EPN1: variants seen among roughly 807,000 people sequenced by gnomAD.
EPN1 encodes epsin-1.
Under a neutral mutation model 56.9 loss-of-function variants are expected in EPN1, and 25 were observed. The ratio of observed to expected loss-of-function variants is 0.44; its 90% CI spans 0.32 to 0.61. The LOEUF (loss-of-function observed/expected upper bound fraction) is 0.61, where lower values mean the gene tolerates loss of function less well. Among genes scored for constraint, EPN1 ranks in the 20% least tolerant of loss-of-function variants. The probability of loss-of-function intolerance (pLI) is 0.05; values close to 1 mark genes in which losing one functional copy is unlikely to be tolerated. For missense variants in EPN1, 785 were observed against 823.7 expected (o/e 0.95, Z 0.58); for synonymous variants, 411 against 361.8 (o/e 1.14, Z -1.54).
chr19:55,690,023 C>G (rs141887410), intron 6 of EPN1, 73 bp downstream of exon 6: 1 of 1,386,372 alleles, frequency 7.2e-7, no homozygotes, highest in African/African-American at 1.4e-5. Context: ...TCCTGCGTGG[C>G]CAGGTCCCTG....
rs375320831 is a variant in EPN1, at chr19:55,692,945, C to G, written c.1178-6C>G. ...AGGGGCTGAGCAGAACATCCTGACC[C>G]CACAGCAGCCGGGGGATTCGACACG... On this transcript the variant is annotated splice_region_variant and splice_polypyrimidine_tract_variant and intron_variant, in intron 8 of 10. Transcript: ENST00000270460. 3.1e-5 allele frequency: 50 copies of G among 1,613,390 alleles called. No individual in the cohort carries two copies. In the African/African-American group the frequency reaches 6.4e-4, roughly 21 times the overall value.
At position 55,703,826 on chromosome 19, in the gene EPN1, G is replaced by A. The variant is rs1987262128; in HGVS notation, c.*8470G>A. ...TAAGTTTAAGCACCTGCGTGTGAGC[G>A]GCTACCGCGTGGGCTGGGATTGGAG... On this transcript the variant is annotated 3_prime_UTR_variant, in exon 11 of 11. Coordinates refer to ENST00000270460, the MANE Select transcript of EPN1 (RefSeq NM_001130072.2). 6.6e-6 allele frequency: 1 copy of A among 152,314 alleles called. No homozygotes were observed. The highest frequency in any genetic ancestry group is 2.4e-5 in the African/African-American group (1 of 41,560). The allele number at this position is 152,314 out of a possible 1,614,324, so 9.4% of individuals were successfully genotyped here. A position where few individuals can be genotyped will look rare whatever the true frequency, so the allele number is the denominator to read the frequency against.
chr19:55,679,470 C>A (rs929280064), intron 2 of EPN1, among the ~76,000 whole-genome samples: 2 of 152,334 alleles, frequency 1.3e-5, no homozygotes, highest in South Asian at 4.1e-4. Context: ...GGAGCCGATT[C>A]ACGTCTGACT....
At chr19:55,679,750 C>T (rs1332920888) in intron 2 of EPN1, among the ~76,000 whole-genome samples, 1 of 152,170 alleles carries the variant, frequency 6.6e-6, no homozygotes, top group Non-Finnish European at 1.5e-5. Flanking sequence ...GGTTGAGGCT[C>T]GTTTCCTGTG....
intron 3 of EPN1, among the ~76,000 whole-genome samples, chr19:55,688,053 A>C (rs1341523388): frequency 6.6e-6 from 1 of 151,938 alleles, no homozygotes; most frequent in Non-Finnish European, 1.5e-5. Flanking sequence ...ACCAGTGCAC[A>C]GTGGTTGGGA....
rs1474603419 is a variant in EPN1, at chr19:55,685,538, G to A, written c.371G>A (p.Arg124His). 2.5e-6 allele frequency: 4 copies of A among 1,612,430 alleles called. No homozygotes were observed. The highest frequency in any genetic ancestry group is 3.4e-6 in the Non-Finnish European group (4 of 1,179,274). The change falls in exon 3 of 11, where the codon CGT (arginine) becomes CAT (histidine). Residue 124 changes from arginine (R) to histidine (H), a missense_variant. This residue lies in a region of EPN1 where 135 missense variants were observed against 218.7 expected (regional missense o/e 0.62). Transcript: ENST00000270460. ...GGCAAGGACCAGGGCGTGAACGTGC[G>A]TGAGAAAGCTAAGCAGCTGGTGGCC... ...RDGKDQGVNV[R>H]EKAKQLVALL...
chr19:55,708,973 A>G lies in EPN1; in HGVS notation c.*13617A>G. Reference sequence around the variant, plus strand: ...AATCCAAGGTCCATGTGAAATGGTCAGATGGGGAATTTTTTCTTCCACAGA... The same window carrying G: ...AATCCAAGGTCCATGTGAAATGGTCGGATGGGGAATTTTTTCTTCCACAGA... On this transcript the variant is annotated 3_prime_UTR_variant, in exon 11 of 11. Coordinates refer to ENST00000270460, the MANE Select transcript of EPN1 (RefSeq NM_001130072.2). 6.3e-7 allele frequency: 1 copy of G among 1,593,660 alleles called. No individual in the cohort carries two copies.
rs1297084072 is a variant in EPN1 at position 55,706,771 on chromosome 19, G to C, written c.*11415G>C. The C allele has an allele frequency of 6.6e-6, 1 of 152,092 alleles. No homozygotes were observed. Among genetic ancestry groups the C allele is most frequent in the African/African-American group, 2.4e-5 (1 of 41,368 alleles). 9.4% of individuals were successfully genotyped at this position (152,092 alleles called of 1,614,324 possible). On this transcript the variant is annotated 3_prime_UTR_variant, in exon 11 of 11. Transcript: ENST00000270460. ...AAAAGTAAATGGGCCAGGTGCGATG[G>C]CTTGTGCCTGTAATCCCAGCAGTTT...
Position 55,695,356 on chromosome 19 carries a change from A to G in EPN1, c.1731A>G (p.Ter577=). Residue 577 remains the stop codon, a stop_retained_variant, in exon 11 of 11, where the codon TAA becomes TAG. Transcript: ENST00000270460. The surrounding 1 kb of genome is among the most constrained non-coding windows in gnomAD (Gnocchi z 4.4). The stretch of plus-strand genomic sequence containing the variant: ...CCAACACTAATCCCTTCCTCCTATA[A>G]TCCAGGGCGGAAGGGGGCCTGGCTC... ...PAPNTNPFLL[*] 1 of 1,424,758 alleles carries G rather than the reference A, an allele frequency of 7.0e-7. No homozygotes were observed. The highest frequency in any genetic ancestry group is 9.6e-7 in the Non-Finnish European group (1 of 1,045,760). 88.3% of individuals were successfully genotyped at this position (1,424,758 alleles called of 1,614,324 possible).
At position 55,708,962 on chromosome 19, in the gene EPN1, G is replaced by GT; in HGVS notation, c.*13607dup. On this transcript the variant is annotated 3_prime_UTR_variant, in exon 11 of 11. Transcript: ENST00000270460. ...TATTCCTCGTCAATCCAAGGTCCAT[G>GT]TGAAATGGTCAGATGGGGAATTTTT... 1 of 1,589,072 alleles carries GT rather than the reference G, an allele frequency of 6.3e-7. No homozygotes were observed.
intron 3 of EPN1, among the ~76,000 whole-genome samples, chr19:55,685,896 A>C (rs1170949579): frequency 1.3e-5 from 2 of 152,062 alleles, no homozygotes; most frequent in Admixed American, 1.3e-4. Context: ...TAGAATTGGG[A>C]ACTTTTATTC....
chr19:55,694,179 A>G lies in EPN1; in HGVS notation c.1265-547A>G, dbSNP rs1485385539. The G allele has an allele frequency of 2.1e-5, 3 of 144,180 alleles. No homozygotes were observed. The highest frequency in any genetic ancestry group is 7.6e-5 in the African/African-American group (3 of 39,252). 8.9% of individuals were successfully genotyped at this position (144,180 alleles called of 1,614,324 possible). Reference sequence around the variant, plus strand: ...GGTTGCAGTGAGCTGAGGTTGCGCCATTGCGCTCCAACTGGGGAAACGAGC... The same window carrying G: ...GGTTGCAGTGAGCTGAGGTTGCGCCGTTGCGCTCCAACTGGGGAAACGAGC... On this transcript the variant is annotated intron_variant, in intron 9 of 10. Coordinates refer to ENST00000270460, the MANE Select transcript of EPN1 (RefSeq NM_001130072.2). This position sits in a 1 kb window ranked among gnomAD's most constrained non-coding sequence, Gnocchi z 4.2.
At chr19:55,693,643 C>T (rs533806351) in intron 9 of EPN1, among the ~76,000 whole-genome samples, 1 of 152,306 alleles carries the variant, frequency 6.6e-6, no homozygotes, top group African/African-American at 2.4e-5. Flanking sequence ...TCAGCTGATA[C>T]CTGTCTGTCC....
chr19:55,685,113 A>G (rs1410931575), intron 2 of EPN1, among the ~76,000 whole-genome samples: 1 of 152,234 alleles, frequency 6.6e-6, no homozygotes, highest in Non-Finnish European at 1.5e-5. Context: ...CCCATTCTGG[A>G]TGATTCACGT....
At chr19:55,675,736 C>A (rs528643927) in intron 1 of EPN1, among the ~76,000 whole-genome samples, 1 of 152,140 alleles carries the variant, frequency 6.6e-6, no homozygotes, top group Non-Finnish European at 1.5e-5. Flanking sequence ...TCTCTCTCTC[C>A]TCTGTCTGTC....
chr19:55,680,184 G>A (rs116994607), intron 2 of EPN1, among the ~76,000 whole-genome samples: 2,148 of 152,324 alleles, frequency 0.014, 18 homozygotes, highest in Non-Finnish European at 0.022. Flanking sequence ...TTACTGAGGT[G>A]TAATTTGCAC....
intron 9 of EPN1, chr19:55,693,333 A>C: frequency 2.7e-6 from 1 of 375,950 alleles, no homozygotes. Flanking sequence ...TGCCTTGCAA[A>C]CTCTCCAGGT....
chr19:55,675,681 G>C (rs1313853099), intron 1 of EPN1, among the ~76,000 whole-genome samples: 1 of 152,168 alleles, frequency 6.6e-6, no homozygotes, highest in Non-Finnish European at 1.5e-5. Flanking sequence ...AGTGAACTTA[G>C]AAAAGGGTTT....
At chr19:55,683,125 G>A (rs1985934985) in intron 2 of EPN1, among the ~76,000 whole-genome samples, 2 of 151,862 alleles carry the variant, frequency 1.3e-5, no homozygotes, top group South Asian at 4.2e-4. Flanking sequence ...GTGCTATCTT[G>A]GCTCACTGCA....
Sources: gnomAD v4.1 joint callset for allele counts (sites outside exome capture counted in the v4.1 genomes callset) on GRCh38, gnomAD v4.1.1 for gene constraint, gnomAD v4.1.1 regional missense constraint, Gnocchi (gnomAD v3.1) non-coding constraint, MANE v1.5 for transcripts, NCBI Gene and HGNC (gene_info 2026-07-23, HGNC 2026-07-21) for gene names.